Variants in RNF125 observed in about 807,000 individuals in gnomAD.
RNF125 encodes ring finger protein 125, also known as E3 ubiquitin-protein ligase RNF125.
A neutral mutation model predicts 26.0 loss-of-function variants in RNF125; 21 were observed. The observed-to-expected ratio is 0.81, with a 90% CI of 0.57 to 1.16. The LOEUF (loss-of-function observed/expected upper bound fraction) is 1.16, where lower values mean the gene tolerates loss of function less well. Among genes scored for constraint, RNF125 ranks in the 50% most tolerant of loss-of-function variants. The pLI is 0.00. For missense variants in RNF125, 270 were observed against 299.4 expected (o/e 0.90, Z 0.72); for synonymous variants, 95 against 109.2 (o/e 0.87, Z 0.81).
chr18:32,029,794 G>C (rs560544800), intron 1 of RNF125, among the ~76,000 whole-genome samples: 2 of 152,136 alleles, frequency 1.3e-5, no homozygotes, highest in Non-Finnish European at 2.9e-5. Flanking sequence ...TCATGAATGG[G>C]CCTGCTGAAT....
At chr18:32,035,742 A>G (rs1222039373) in intron 1 of RNF125, among the ~76,000 whole-genome samples, 1 of 152,244 alleles carries the variant, frequency 6.6e-6, no homozygotes, top group Non-Finnish European at 1.5e-5. Context: ...ACCACCAAGG[A>G]TGGTAAGCAG....
chr18:32,049,111 GA>G (rs1398878608), intron 4 of RNF125, among the ~76,000 whole-genome samples: 6 of 152,304 alleles, frequency 3.9e-5, no homozygotes. Flanking sequence ...TGCTCCAGCA[GA>G]AATCCAGTCC....
intron 1 of RNF125, among the ~76,000 whole-genome samples, chr18:32,028,154 C>T (rs894660986): frequency 2.6e-5 from 4 of 151,582 alleles, no homozygotes; most frequent in Admixed American, 6.6e-5. Context: ...AAAAATTAGC[C>T]GGGCATGGTG....
chr18:32,081,905 G>C, the RNF125 span, among the ~76,000 whole-genome samples: 1 of 152,160 alleles, frequency 6.6e-6, no homozygotes, highest in African/African-American at 2.4e-5. Flanking sequence ...AAAGGAAGTT[G>C]GGAATTGAGA....
At chr18:32,040,266 TTTC>T (rs2039203252) in intron 2 of RNF125, among the ~76,000 whole-genome samples, 1 of 120,328 alleles carries the variant, frequency 8.3e-6, no homozygotes, top group Non-Finnish European at 1.8e-5. Flanking sequence ...AAACAATTTC[TTTC>T]TTTTTTTTTT....
chr18:32,075,881 A>G, downstream of RNF125: 1 of 976,532 alleles, frequency 1.0e-6, no homozygotes, highest in South Asian at 1.3e-5. Context: ...TATATATTAC[A>G]TCTCTAGAAA....
chr18:32,021,241 G>T (rs1158861413), intron 1 of RNF125, among the ~76,000 whole-genome samples: 8 of 152,102 alleles, frequency 5.3e-5, no homozygotes, highest in African/African-American at 1.9e-4. Context: ...CACCACGCCC[G>T]GCTAATTTTT....
chr18:32,029,859 G>T (rs1001160779), intron 1 of RNF125, among the ~76,000 whole-genome samples: 3 of 152,028 alleles, frequency 2.0e-5, no homozygotes, highest in Non-Finnish European at 2.9e-5. Flanking sequence ...GGCTCTGGAG[G>T]AATAGACTGG....
At chr18:32,074,900 G>A (rs181462452), downstream of RNF125, among the ~76,000 whole-genome samples, 48 of 152,294 alleles carry the variant, frequency 3.2e-4, no homozygotes, top group African/African-American at 1.1e-3. Flanking sequence ...TTTACAAAAT[G>A]AAAGAACTGT....
chr18:32,020,489 A>G, intron 1 of RNF125, among the ~76,000 whole-genome samples: 1 of 151,892 alleles, frequency 6.6e-6, no homozygotes, highest in Non-Finnish European at 1.5e-5. Flanking sequence ...AGTGGCTTGT[A>G]CCAGCATTTG....
At chr18:32,075,286 G>A (rs1330584728), downstream of RNF125, among the ~76,000 whole-genome samples, 1 of 152,142 alleles carries the variant, frequency 6.6e-6, no homozygotes, top group African/African-American at 2.4e-5. Flanking sequence ...AGCCAGTTGT[G>A]GTGGCTCACG....
chr18:32,066,911 C>T lies in RNF125; in HGVS notation c.612+902C>T, dbSNP rs541228727. ...TTTGTGGCCCATATGGCACACAGGC[C>T]TCAACAGAACTTGGTTCTGGTCTAT... On this transcript the variant is annotated intron_variant, in intron 5 of 5. Transcript: ENST00000217740. Among the ~76,000 whole-genome samples the T allele has an allele frequency of 8.3e-4, 126 of 152,242 alleles. 1 individual carries two copies. The highest frequency in any genetic ancestry group is 3.0e-3 in the African/African-American group (124 of 41,548).
At chr18:32,087,354 A>G in the RNF125 span, among the ~76,000 whole-genome samples, 2 of 149,404 alleles carry the variant, frequency 1.3e-5, no homozygotes, top group East Asian at 2.1e-4. Flanking sequence ...AGAGTGGGCT[A>G]TGGGAACCGC....
intron 1 of RNF125, among the ~76,000 whole-genome samples, chr18:32,024,639 C>CT (rs1220081164): frequency 6.6e-6 from 1 of 152,074 alleles, no homozygotes; most frequent in Non-Finnish European, 1.5e-5. Context: ...CAGGGTCTGC[C>CT]TATGTTGCCC....
intron 2 of RNF125, 95 bp downstream of exon 2, chr18:32,037,364 CTTTTTTT>C (rs796828237): frequency 6.4e-4 from 84 of 130,510 alleles, no homozygotes; most frequent in Middle Eastern, 2.4e-3. Context: ...TGGTACGCAC[CTTTTTTT>C]TTTTTTTTTT....
chr18:32,054,155 G>T (rs186475192), intron 4 of RNF125, among the ~76,000 whole-genome samples: 1 of 146,524 alleles, frequency 6.8e-6, no homozygotes, highest in East Asian at 2.0e-4. Context: ...GCGCAGTGGC[G>T]TGGTCTCGGC....
At chr18:32,041,537 T>C (rs1039380093) in intron 2 of RNF125, among the ~76,000 whole-genome samples, 2 of 151,936 alleles carry the variant, frequency 1.3e-5, no homozygotes, top group African/African-American at 4.8e-5. Flanking sequence ...GCTTCCTTCT[T>C]TCTAAAACCT....
chr18:32,054,168 G>A (rs190902243), intron 4 of RNF125, among the ~76,000 whole-genome samples: 141 of 147,426 alleles, frequency 9.6e-4, no homozygotes, highest in South Asian at 7.1e-3. Flanking sequence ...GTCTCGGCTC[G>A]GAGCAACCTC....
rs2039507490 is a variant in RNF125 at position 32,068,763 on chromosome 18, A to T, written c.*379A>T. The T allele has an allele frequency of 6.3e-6, 1 of 159,512 alleles. No homozygotes were observed. Among genetic ancestry groups the T allele is most frequent in the Non-Finnish European group, 1.4e-5 (1 of 72,932 alleles). 9.9% of individuals were successfully genotyped at this position (159,512 alleles called of 1,614,324 possible). The stretch of plus-strand genomic sequence containing the variant: ...ACGATAACTAATCTTTGTTCTGTGT[A>T]AAAAAATATGGAGAGTGAAACAAAG... On this transcript the variant is annotated 3_prime_UTR_variant, in exon 6 of 6. Coordinates refer to ENST00000217740, the MANE Select transcript of RNF125 (RefSeq NM_017831.4).
Sources: gnomAD v4.1 joint callset for allele counts (sites outside exome capture counted in the v4.1 genomes callset) on GRCh38, gnomAD v4.1.1 for gene constraint, MANE v1.5 for transcripts, NCBI Gene and HGNC (gene_info 2026-07-23, HGNC 2026-07-21) for gene names.